Variants in C7orf78 observed in about 807,000 individuals in gnomAD.
C7orf78 encodes putative uncharacterized protein C7orf78.
chr7:12,511,791 G>T, the C7orf78 span, among the ~76,000 whole-genome samples: 764 of 151,674 alleles, frequency 5.0e-3, 4 homozygotes, highest in Non-Finnish European at 7.3e-3. Flanking sequence ...TTGCTCTGTC[G>T]CCCAGGCTGG....
the C7orf78 span, among the ~76,000 whole-genome samples, chr7:12,501,372 C>T: frequency 4.0e-5 from 6 of 149,482 alleles, no homozygotes; most frequent in Non-Finnish European, 9.0e-5. Context: ...TGATAAGCAA[C>T]TTCAGCAAAG....
At chr7:12,507,067 G>A in the C7orf78 span, 57 of 370,400 alleles carry the variant, frequency 1.5e-4, no homozygotes, top group African/African-American at 8.7e-4. Context: ...TTGGGAGGCC[G>A]AGACGGGCGG....
chr7:12,529,746 G>C, the C7orf78 span, among the ~76,000 whole-genome samples: 1 of 152,184 alleles, frequency 6.6e-6, no homozygotes, highest in Non-Finnish European at 1.5e-5. Flanking sequence ...CCAAAACTGG[G>C]GCATAGCCGG....
At chr7:12,490,173 C>G in the C7orf78 span, among the ~76,000 whole-genome samples, 2 of 152,072 alleles carry the variant, frequency 1.3e-5, no homozygotes, top group Admixed American at 1.3e-4. Flanking sequence ...AGCACCATAT[C>G]TTATTCTACA....
At chr7:12,541,704 G>C in the C7orf78 span, 2 of 152,056 alleles carry the variant, frequency 1.3e-5, no homozygotes, top group East Asian at 3.9e-4. Flanking sequence ...ATATGTATGA[G>C]CTTTGTGTTC....
chr7:12,532,917 G>T, the C7orf78 span, among the ~76,000 whole-genome samples: 4 of 152,256 alleles, frequency 2.6e-5, no homozygotes, highest in Non-Finnish European at 4.4e-5. Flanking sequence ...GTAGATATGT[G>T]ACCAGAAAGC....
chr7:12,496,822 TAAAG>T, the C7orf78 span, among the ~76,000 whole-genome samples: 1 of 152,204 alleles, frequency 6.6e-6, no homozygotes, highest in African/African-American at 2.4e-5. Flanking sequence ...TCAGATAGCA[TAAAG>T]ATAGGTTAAT....
the C7orf78 span, among the ~76,000 whole-genome samples, chr7:12,518,165 G>A: frequency 6.6e-6 from 1 of 152,200 alleles, no homozygotes; most frequent in Non-Finnish European, 1.5e-5. Context: ...GATTTCCTCA[G>A]TGGCTTAGGG....
the C7orf78 span, chr7:12,523,158 AT>A: frequency 1.5e-5 from 6 of 398,340 alleles, no homozygotes; most frequent in Non-Finnish European, 2.2e-5. Flanking sequence ...AAGCCTCCTG[AT>A]TTTAGCTACA....
chr7:12,516,068 T>C, the C7orf78 span, among the ~76,000 whole-genome samples: 5 of 152,106 alleles, frequency 3.3e-5, no homozygotes, highest in Admixed American at 6.5e-5. Flanking sequence ...ATGGGGAAAA[T>C]GTCTCTAGGG....
the C7orf78 span, among the ~76,000 whole-genome samples, chr7:12,540,126 G>T: frequency 1.1e-4 from 16 of 152,226 alleles, no homozygotes; most frequent in Non-Finnish European, 2.1e-4. Flanking sequence ...AAATCAGGAA[G>T]TTGGCTTCCT....
chr7:12,492,312 C>G, the C7orf78 span, among the ~76,000 whole-genome samples: 22 of 152,332 alleles, frequency 1.4e-4, no homozygotes, highest in East Asian at 4.0e-3. Flanking sequence ...TTTAATCTCT[C>G]TACCCAAGTC....
the C7orf78 span, among the ~76,000 whole-genome samples, chr7:12,484,690 G>A: frequency 6.6e-6 from 1 of 152,126 alleles, no homozygotes; most frequent in Non-Finnish European, 1.5e-5. Context: ...ACATCTGGAG[G>A]TGGGCTACAG....
At chr7:12,489,961 G>A in the C7orf78 span, among the ~76,000 whole-genome samples, 29 of 152,046 alleles carry the variant, frequency 1.9e-4, no homozygotes, top group African/African-American at 6.8e-4. Flanking sequence ...TGTAAACAGT[G>A]GGTAGTAAGT....
At chr7:12,522,737 A>G in the C7orf78 span, among the ~76,000 whole-genome samples, 2 of 152,156 alleles carry the variant, frequency 1.3e-5, no homozygotes, top group Non-Finnish European at 2.9e-5. Flanking sequence ...TGGATTTTAC[A>G]TCAATCATTT....
the C7orf78 span, chr7:12,529,170 T>C: frequency 7.6e-5 from 30 of 394,618 alleles, no homozygotes; most frequent in East Asian, 1.1e-3. Flanking sequence ...AAATAAAGCA[T>C]ATAGCCGCTG....
the C7orf78 span, chr7:12,525,855 TG>T: frequency 2.5e-6 from 1 of 396,982 alleles, no homozygotes; most frequent in Admixed American, 4.4e-5. Context: ...AGACAACTTA[TG>T]AAAAGGACCC....
the C7orf78 span, chr7:12,483,767 A>T: frequency 6.6e-6 from 1 of 150,938 alleles, no homozygotes; most frequent in Non-Finnish European, 1.5e-5. Flanking sequence ...AATCCCAGCG[A>T]CTTGGGAGGC....
the C7orf78 span, among the ~76,000 whole-genome samples, chr7:12,505,000 T>C: frequency 1.3e-5 from 2 of 152,078 alleles, no homozygotes; most frequent in East Asian, 3.8e-4. Flanking sequence ...TGCATATATT[T>C]ACTAACTAAA....
Sources: allele counts gnomAD v4.1 joint callset (sites outside exome capture counted in the v4.1 genomes callset), GRCh38; gene constraint gnomAD v4.1.1; transcripts MANE v1.5; gene names NCBI Gene and HGNC (gene_info 2026-07-23, HGNC 2026-07-21).